The following DPP6 variants were observed in gnomAD, a reference collection of about 807,000 sequenced individuals.
DPP6 encodes dipeptidyl peptidase like 6.
A neutral mutation model predicts 122.6 loss-of-function variants in DPP6; 69 were observed. The observed-to-expected ratio is 0.56, with a 90% CI of 0.46 to 0.69. DPP6 has a LOEUF of 0.69. Among genes scored for constraint, DPP6 ranks in the 30% least tolerant of loss-of-function variants. DPP6 has a pLI of 0.00. For missense variants in DPP6, 928 were observed against 1,116.9 expected, an observed-to-expected ratio of 0.83 and a Z score of 2.41; for synonymous variants, 418 against 433.1, an observed-to-expected ratio of 0.97 and a Z score of 0.43.
At chr7:154,836,495 C>T (rs922043128) in intron 16 of DPP6, among the ~76,000 whole-genome samples, 9 of 152,186 alleles carry the variant, frequency 5.9e-5, no homozygotes, top group East Asian at 3.9e-4. Flanking sequence ...GTCACTTGTG[C>T]GGCTGTTCGA....
At chr7:154,541,335 A>T (rs555788887) in intron 4 of DPP6, among the ~76,000 whole-genome samples, 1 of 151,632 alleles carries the variant, frequency 6.6e-6, no homozygotes, top group Admixed American at 6.6e-5. Flanking sequence ...GGGTCTCACT[A>T]TGTTGCCCAG....
chr7:154,325,607 AC>A (rs1366530792), intron 1 of DPP6, among the ~76,000 whole-genome samples: 1 of 152,184 alleles, frequency 6.6e-6, no homozygotes, highest in Non-Finnish European at 1.5e-5. Flanking sequence ...AAATAGAGCA[AC>A]CTTTCTTAAT....
chr7:154,648,436 A>C (rs11243353), intron 6 of DPP6, among the ~76,000 whole-genome samples: 40,698 of 151,772 alleles, frequency 0.27, 5,563 homozygotes, highest in African/African-American at 0.29. Context: ...GGACACAAAT[A>C]CCCCACTGTG....
rs112460834 is a variant in DPP6, at chr7:154,885,622, G to A, written c.2134-11G>A. On this transcript the variant is annotated splice_polypyrimidine_tract_variant and intron_variant, in intron 21 of 25. Coordinates refer to ENST00000377770, the MANE Select transcript of DPP6 (RefSeq NM_130797.4). ...GGACTCCTAACTGTCTTCTCTCTGC[G>A]CTTTCTCCAGGATTACGGTGGCTAC... 19,998 of 1,559,790 alleles carry A rather than the reference G, an allele frequency of 0.013. 136 individuals are homozygous for A. Among genetic ancestry groups the A allele is most frequent in the Non-Finnish European group, 0.015 (17,213 of 1,151,950 alleles).
At chr7:153,840,858 G>A in the DPP6 span, among the ~76,000 whole-genome samples, 946 of 152,224 alleles carry the variant, frequency 6.2e-3, 8 homozygotes, top group African/African-American at 0.022. Flanking sequence ...CTTCCACCCC[G>A]GTCCTTACTT....
chr7:154,362,270 C>T (rs1361759119), intron 1 of DPP6, among the ~76,000 whole-genome samples: 1 of 152,172 alleles, frequency 6.6e-6, no homozygotes, highest in African/African-American at 2.4e-5. Context: ...GGAAAGAAGC[C>T]AGACAGCCTT....
intron 1 of DPP6, among the ~76,000 whole-genome samples, chr7:154,264,718 G>T (rs1379575966): frequency 1.3e-5 from 2 of 151,946 alleles, no homozygotes; most frequent in Non-Finnish European, 2.9e-5. Flanking sequence ...TGATGATAAT[G>T]ATAGTGATAG....
At chr7:154,560,844 C>G (rs987618786) in intron 4 of DPP6, among the ~76,000 whole-genome samples, 2 of 149,478 alleles carry the variant, frequency 1.3e-5, no homozygotes, top group African/African-American at 5.0e-5. Flanking sequence ...GATCATGCCA[C>G]TGCACTCCAG....
Position 154,880,964 on chromosome 7 carries a change from C to T in DPP6, c.2133+22C>T, listed in dbSNP as rs200333007. On this transcript the variant is annotated intron_variant, in intron 21 of 25. Coordinates refer to ENST00000377770, the MANE Select transcript of DPP6 (RefSeq NM_130797.4). ...GAAGGTGAGTCTGCGCCACCCTGGT[C>T]TGAAAACCCCTCAGTTCCAGTGTGG... The T allele has an allele frequency of 6.7e-4, 1,079 of 1,613,286 alleles. 1 individual carries two copies. Among genetic ancestry groups the T allele is most frequent in the Non-Finnish European group, 8.4e-4 (991 of 1,179,444 alleles).
chr7:154,630,965 TA>T (rs1419102408), intron 5 of DPP6, among the ~76,000 whole-genome samples: 3 of 151,992 alleles, frequency 2.0e-5, no homozygotes, highest in African/African-American at 4.8e-5. Flanking sequence ...AATAAAATAA[TA>T]AAAAATTTCA....
At chr7:153,822,181 CTTTTTTTTTTT>C in the DPP6 span, among the ~76,000 whole-genome samples, 14 of 61,888 alleles carry the variant, frequency 2.3e-4, no homozygotes, top group African/African-American at 7.5e-4. Flanking sequence ...GGGGGGGAAT[CTTTTTTTTTTT>C]TTTTTTTTTT....
At chr7:153,885,201 G>A (rs369580073), upstream of DPP6, among the ~76,000 whole-genome samples, 12 of 151,734 alleles carry the variant, frequency 7.9e-5, no homozygotes, top group South Asian at 2.1e-4. Context: ...GCTTACAATC[G>A]GATTTAGATT....
intron 5 of DPP6, chr7:154,587,566 T>C: frequency 6.9e-7 from 1 of 1,440,810 alleles, no homozygotes; most frequent in Non-Finnish European, 9.2e-7. Flanking sequence ...ATCCCCAACT[T>C]CCCATGCCCC....
chr7:154,481,528 C>T lies in DPP6; in HGVS notation c.457+6491C>T, dbSNP rs888148583. On this transcript the variant is annotated intron_variant, in intron 3 of 25. Transcript: ENST00000377770. The surrounding 1 kb of genome is among the most constrained non-coding windows in gnomAD (Gnocchi z 4.2). ...CACTGTGCGAGCACAGCCCTGGCCC[C>T]CCGACCCTCCATGTCTCAGACTCTA... Among the ~76,000 whole-genome samples, 18 of 151,672 alleles carry T rather than the reference C, an allele frequency of 1.2e-4. No individual in the cohort carries two copies. Among genetic ancestry groups the T allele is most frequent in the Admixed American group, 2.6e-4 (4 of 15,238 alleles).
rs751101009 is a variant in DPP6, at chr7:153,887,731, G to A, written c.48G>A (p.Val16=). 6.8e-6 allele frequency: 11 copies of A among 1,613,836 alleles called. No homozygotes were observed. In the South Asian group the frequency reaches 1.1e-4, roughly 16 times the overall value. Residue 16 remains valine (V), a synonymous_variant, in exon 1 of 26, where the codon GTG becomes GTA. Coordinates refer to the DPP6 transcript ENST00000404039. ...AGACCGCTAAGATGCAGGGGAACGT[G>A]ATGGTGAGTGCCACGGACAGGGCGC...
At chr7:153,934,472 A>AT (rs1429398879) in intron 1 of DPP6, among the ~76,000 whole-genome samples, 1 of 152,210 alleles carries the variant, frequency 6.6e-6, no homozygotes, top group African/African-American at 2.4e-5. Flanking sequence ...TCTCTTCCAC[A>AT]TTTTGGGGTA....
the DPP6 span, among the ~76,000 whole-genome samples, chr7:153,786,532 G>A: frequency 2.1e-3 from 316 of 151,576 alleles, no homozygotes; most frequent in African/African-American, 7.0e-3. Context: ...GAGGTCAGGA[G>A]ATCGAGACCA....
chr7:154,439,187 C>T (rs149086997), intron 1 of DPP6, among the ~76,000 whole-genome samples: 39 of 152,240 alleles, frequency 2.6e-4, no homozygotes, highest in African/African-American at 7.5e-4. Flanking sequence ...ATGTGTTGAG[C>T]GTGCCAAAAA....
At chr7:154,666,210 C>T (rs1838154560) in intron 6 of DPP6, among the ~76,000 whole-genome samples, 1 of 147,114 alleles carries the variant, frequency 6.8e-6, no homozygotes, top group African/African-American at 2.6e-5. Flanking sequence ...TACACATATA[C>T]ATACATACAT....
Sources: gnomAD v4.1 joint callset for allele counts (sites outside exome capture counted in the v4.1 genomes callset) on GRCh38, gnomAD v4.1.1 for gene constraint, Gnocchi (gnomAD v3.1) non-coding constraint, MANE v1.5 for transcripts, NCBI Gene and HGNC (gene_info 2026-07-23, HGNC 2026-07-21) for gene names.